The following GPC6 variants were observed in gnomAD, a reference collection of about 807,000 sequenced individuals.
GPC6 encodes the protein glypican 6.
Under a neutral mutation model 55.2 loss-of-function variants are expected in GPC6, and 14 were observed. The observed-to-expected ratio is 0.25, with a 90% confidence interval of 0.17 to 0.40. The LOEUF (loss-of-function observed/expected upper bound fraction) is 0.40, where lower values mean the gene tolerates loss of function less well. GPC6 is among the 10% of genes least tolerant of loss of function. The pLI is 1.00. For synonymous variants in GPC6, 278 were observed against 259.6 expected (o/e 1.07, Z -0.68); for missense variants, 641 against 708.5 (o/e 0.90, Z 1.08).
intron 4 of GPC6, among the ~76,000 whole-genome samples, chr13:94,073,753 A>G (rs954882466): frequency 2.0e-5 from 3 of 152,184 alleles, no homozygotes; most frequent in Non-Finnish European, 4.4e-5. Context: ...AAGCCTTTAA[A>G]TAATCTTGAA....
intron 4 of GPC6, among the ~76,000 whole-genome samples, chr13:94,044,089 C>A (rs1356008926): frequency 6.6e-6 from 1 of 151,672 alleles, no homozygotes; most frequent in Non-Finnish European, 1.5e-5. Context: ...TTAGCTATGT[C>A]CCCCCACCTT....
At chr13:93,225,498 GT>G (rs1875744491), upstream of GPC6, among the ~76,000 whole-genome samples, 3 of 11,458 alleles carry the variant, frequency 2.6e-4, no homozygotes, top group Non-Finnish European at 1.9e-3. Flanking sequence ...TTTTTTTTTT[GT>G]TTTGTTTTGT....
At chr13:93,744,861 A>C (rs1281019354) in intron 2 of GPC6, among the ~76,000 whole-genome samples, 1 of 151,944 alleles carries the variant, frequency 6.6e-6, no homozygotes, top group Non-Finnish European at 1.5e-5. Flanking sequence ...TGAACCCAGG[A>C]AGCGAAGGAT....
intron 1 of GPC6, among the ~76,000 whole-genome samples, chr13:93,521,301 T>G (rs1437089619): frequency 6.6e-6 from 1 of 151,894 alleles, no homozygotes; most frequent in African/African-American, 2.4e-5. Context: ...TTTTCTTTTC[T>G]TTTCTTTTTT....
intron 2 of GPC6, among the ~76,000 whole-genome samples, chr13:93,567,574 C>T (rs540088313): frequency 2.2e-4 from 33 of 152,026 alleles, no homozygotes; most frequent in Admixed American, 3.3e-4. Flanking sequence ...CTGCCCGCCT[C>T]GGCCTCCCAA....
intron 2 of GPC6, among the ~76,000 whole-genome samples, chr13:93,706,094 C>G (rs925103316): frequency 2.0e-5 from 3 of 151,730 alleles, no homozygotes; most frequent in Non-Finnish European, 4.4e-5. Context: ...AAGGTATCTA[C>G]AAGGATTTTG....
chr13:93,973,257 A>G (rs1194982605), intron 3 of GPC6, among the ~76,000 whole-genome samples: 2 of 152,212 alleles, frequency 1.3e-5, no homozygotes. Flanking sequence ...TTTGTAACAC[A>G]GTGGTACTTA....
intron 3 of GPC6, among the ~76,000 whole-genome samples, chr13:93,916,199 T>A (rs1217436334): frequency 3.3e-5 from 5 of 152,142 alleles, no homozygotes; most frequent in Non-Finnish European, 7.4e-5. Flanking sequence ...GATTCCTCAG[T>A]CGCCTTGCTT....
chr13:93,738,953 A>ACACACACACACACACACACACT (rs1277277082), intron 2 of GPC6, among the ~76,000 whole-genome samples: 1 of 137,630 alleles, frequency 7.3e-6, no homozygotes, highest in Non-Finnish European at 1.6e-5. Flanking sequence ...ACACACACAC[A>ACACACACACACACACACACACT]CACACACACA....
At chr13:93,631,140 G>A (rs568352167) in intron 2 of GPC6, among the ~76,000 whole-genome samples, 1 of 152,252 alleles carries the variant, frequency 6.6e-6, no homozygotes, top group South Asian at 2.1e-4. Context: ...AGGGTAAGGA[G>A]GGGAGGGTTT....
At chr13:94,216,293 A>G (rs190467692) in intron 4 of GPC6, among the ~76,000 whole-genome samples, 113 of 152,328 alleles carry the variant, frequency 7.4e-4, no homozygotes, top group South Asian at 3.5e-3. Context: ...ATTAACACAG[A>G]AGGAAACTGA....
At position 93,966,549 on chromosome 13, in the gene GPC6, C is replaced by T. The variant is rs1880051698; in HGVS notation, c.712-61180C>T. Among the ~76,000 whole-genome samples the T allele has an allele frequency of 1.3e-5, 2 of 152,084 alleles. 1 individual carries two copies. The highest frequency in any genetic ancestry group is 4.2e-4 in the South Asian group (2 of 4,814). The stretch of plus-strand genomic sequence containing the variant: ...AAAGTATAAGCAACTTTAGCCCAGC[C>T]CAAGTCACCAACTTGGACAGTCTTT... On this transcript the variant is annotated intron_variant, in intron 3 of 8. Coordinates refer to ENST00000377047, the MANE Select transcript of GPC6 (RefSeq NM_005708.5).
intron 2 of GPC6, among the ~76,000 whole-genome samples, chr13:93,595,527 A>T (rs1352427908): frequency 6.6e-6 from 1 of 152,186 alleles, no homozygotes; most frequent in African/African-American, 2.4e-5. Context: ...TGAACTATAG[A>T]CCAGACAGAA....
chr13:94,164,619 C>CT (rs1888284708), intron 4 of GPC6, among the ~76,000 whole-genome samples: 1 of 152,116 alleles, frequency 6.6e-6, no homozygotes, highest in Non-Finnish European at 1.5e-5. Context: ...CAAAATAAAT[C>CT]TTACAGTCCT....
chr13:93,544,189 T>C (rs1287573206), intron 1 of GPC6, among the ~76,000 whole-genome samples: 1 of 152,098 alleles, frequency 6.6e-6, no homozygotes, highest in Non-Finnish European at 1.5e-5. Context: ...CTAACGTTAA[T>C]ATGTACTTGT....
At chr13:94,270,984 T>A (rs1891981256) in intron 4 of GPC6, among the ~76,000 whole-genome samples, 1 of 113,750 alleles carries the variant, frequency 8.8e-6, no homozygotes, top group African/African-American at 3.4e-5. Context: ...TTTTTTTTTT[T>A]TTTTTTTTTT....
At chr13:93,572,881 A>C (rs996132086) in intron 2 of GPC6, among the ~76,000 whole-genome samples, 3 of 152,172 alleles carry the variant, frequency 2.0e-5, no homozygotes, top group Non-Finnish European at 4.4e-5. Context: ...TGACTATAGA[A>C]GAAGAACTAA....
At chr13:94,133,607 G>A (rs1887081836) in intron 4 of GPC6, among the ~76,000 whole-genome samples, 1 of 151,984 alleles carries the variant, frequency 6.6e-6, no homozygotes, top group East Asian at 1.9e-4. Flanking sequence ...CACCATCCAG[G>A]GCTTTACTTT....
intron 4 of GPC6, among the ~76,000 whole-genome samples, chr13:94,242,366 C>A (rs1439266241): frequency 6.6e-6 from 1 of 151,918 alleles, no homozygotes; most frequent in Non-Finnish European, 1.5e-5. Flanking sequence ...ACTAGAAATG[C>A]CATTTGACCC....
Sources: gnomAD v4.1 joint callset for allele counts (sites outside exome capture counted in the v4.1 genomes callset) on GRCh38, gnomAD v4.1.1 for gene constraint, MANE v1.5 for transcripts, NCBI Gene and HGNC (gene_info 2026-07-23, HGNC 2026-07-21) for gene names.